The following TBX15 variants were observed in gnomAD, a reference collection of about 807,000 sequenced individuals.
The protein encoded by TBX15 is T-box transcription factor TBX15.
Under a neutral mutation model 53.9 loss-of-function variants are expected in TBX15, and 18 were observed. That is an observed-to-expected ratio of 0.33 (90% CI 0.23 to 0.49). TBX15 has a LOEUF of 0.49. TBX15 is among the 20% of genes least tolerant of loss of function. TBX15 has a pLI of 0.98. For synonymous variants in TBX15, 295 were observed against 278.0 expected (o/e 1.06, Z -0.61); for missense variants, 692 against 749.5 (o/e 0.92, Z 0.90).
intron 7 of TBX15, among the ~76,000 whole-genome samples, chr1:118,897,114 G>C (rs946917357): frequency 6.6e-6 from 1 of 152,154 alleles, no homozygotes; most frequent in African/African-American, 2.4e-5. Context: ...TAAATTTTTA[G>C]TATAAGTACC....
chr1:118,984,316 G>A (rs1194259188), intron 1 of TBX15, among the ~76,000 whole-genome samples: 1 of 152,220 alleles, frequency 6.6e-6, no homozygotes, highest in Non-Finnish European at 1.5e-5. Context: ...GGCCCGGCCC[G>A]AAGTTTCTGG....
intron 1 of TBX15, among the ~76,000 whole-genome samples, chr1:118,978,470 G>A (rs1657512160): frequency 6.6e-6 from 1 of 152,160 alleles, no homozygotes. Flanking sequence ...TCACAAATGA[G>A]GCACTGAGGC....
At chr1:118,948,875 T>C (rs1656425522) in intron 1 of TBX15, among the ~76,000 whole-genome samples, 1 of 152,228 alleles carries the variant, frequency 6.6e-6, no homozygotes. Flanking sequence ...TCTGCTAACT[T>C]GGTCCTTAGA....
In TBX15 at chr1:118,969,575, G is replaced by A. The variant is rs1657165414; in HGVS notation, c.205+18016C>T. Among the ~76,000 whole-genome samples, 3 of 152,130 alleles carry A rather than the reference G, an allele frequency of 2.0e-5. No homozygotes were observed. In the South Asian group the frequency reaches 6.2e-4, roughly 32 times the overall value. Reference sequence around the variant, plus strand: ...CATCTTGTACAACCCTTCCTGGGTTGAGTCCTGGGTCAGACTCCCTTTCTA... The same window carrying A: ...CATCTTGTACAACCCTTCCTGGGTTAAGTCCTGGGTCAGACTCCCTTTCTA... On this transcript the variant is annotated intron_variant, in intron 1 of 7. Transcript: ENST00000369429.
intron 7 of TBX15, among the ~76,000 whole-genome samples, chr1:118,888,570 T>C (rs544551208): frequency 6.6e-6 from 1 of 152,336 alleles, no homozygotes; most frequent in South Asian, 2.1e-4. Flanking sequence ...CCACTCCAAA[T>C]GCTATGAGCT....
At chr1:118,902,468 A>G (rs1654663928) in intron 6 of TBX15, among the ~76,000 whole-genome samples, 1 of 152,198 alleles carries the variant, frequency 6.6e-6, no homozygotes, top group African/African-American at 2.4e-5. Flanking sequence ...TGAATTAATA[A>G]GTAGAAGAAT....
chr1:118,923,751 G>T lies in TBX15; in HGVS notation c.694-148C>A, dbSNP rs1766793. 0.7 allele frequency: 609,149 copies of T among 874,944 alleles called. 214,205 individuals are homozygous for T. The highest frequency in any genetic ancestry group is 0.79 in the East Asian group (30,419 of 38,416). The allele number at this position is 874,944 out of a possible 1,614,324, so 54.2% of individuals were successfully genotyped here. A position where few individuals can be genotyped will look rare whatever the true frequency, so the allele number is the denominator to read the frequency against. ...CAGAAAACTAGAAATCAGTATACTTGCCCAGGAAGAACTAAGTGATTAAAT... is the reference window on the plus strand; with the variant it reads ...CAGAAAACTAGAAATCAGTATACTTTCCCAGGAAGAACTAAGTGATTAAAT... On this transcript the variant is annotated intron_variant, in intron 4 of 7. Coordinates refer to ENST00000369429, the MANE Select transcript of TBX15 (RefSeq NM_001330677.2).
intron 6 of TBX15, among the ~76,000 whole-genome samples, chr1:118,908,686 A>G (rs1049478953): frequency 6.6e-6 from 1 of 152,138 alleles, no homozygotes; most frequent in Non-Finnish European, 1.5e-5. Flanking sequence ...TTCACTCCAG[A>G]ATAAATGGCC....
intron 7 of TBX15, among the ~76,000 whole-genome samples, chr1:118,897,437 C>T (rs73007544): frequency 0.011 from 1,635 of 152,230 alleles, 38 homozygotes; most frequent in African/African-American, 0.037. Context: ...CAACCTTCTC[C>T]GACCAGCCTC....
rs374500071 is a variant in TBX15 at position 118,923,519 on chromosome 1, G to C, written c.778C>G (p.Pro260Ala). 23 of 1,613,898 alleles carry C rather than the reference G, an allele frequency of 1.4e-5. No individual in the cohort carries two copies. In the East Asian group the frequency reaches 2.0e-4, roughly 14 times the overall value. ...DFSSDLSPTK[P>A]VPVGDGVKTF... ...TTCACCCCATCCCCAACAGGAACAGGCTTAGTGGGTGAAAGGTCACTGCTG... is the reference window on the plus strand; with the variant it reads ...TTCACCCCATCCCCAACAGGAACAGCCTTAGTGGGTGAAAGGTCACTGCTG... The change falls in exon 5 of 8, where the codon CCT becomes GCT. Residue 260 changes from proline to alanine, a missense_variant. Physicochemically the swap from Pro to Ala is conservative, Grantham distance 27. Around this residue, in one of 3 missense-constraint regions of TBX15, gnomAD observed 307 missense variants for 347.5 expected, o/e 0.88. Coordinates refer to ENST00000369429, the MANE Select transcript of TBX15 (RefSeq NM_001330677.2).
chr1:118,948,104 G>A (rs1390735505), intron 1 of TBX15, among the ~76,000 whole-genome samples: 1 of 152,046 alleles, frequency 6.6e-6, no homozygotes, highest in Non-Finnish European at 1.5e-5. Context: ...CATCTCCCCA[G>A]TGGTGACTCA....
intron 1 of TBX15, among the ~76,000 whole-genome samples, chr1:118,934,350 G>A (rs1162005397): frequency 2.6e-5 from 4 of 152,022 alleles, no homozygotes; most frequent in African/African-American, 7.2e-5. Flanking sequence ...AAAAGACCGG[G>A]GGCTCAGATT....
chr1:118,950,348 T>G (rs1277964486), intron 1 of TBX15, among the ~76,000 whole-genome samples: 2 of 152,320 alleles, frequency 1.3e-5, no homozygotes, highest in Admixed American at 1.3e-4. Flanking sequence ...GGATTGAGGA[T>G]GCAGAATCCA....
chr1:118,961,467 C>A (rs984223), intron 1 of TBX15, among the ~76,000 whole-genome samples: 29,382 of 152,004 alleles, frequency 0.19, 3,399 homozygotes, highest in East Asian at 0.49. Context: ...GAGCATTACT[C>A]AAAGTGCATG....
rs79259969 is a variant in TBX15, at chr1:118,935,705, A to G, written c.206-3873T>C. Among the ~76,000 whole-genome samples, 1,231 of 152,292 alleles carry G rather than the reference A, an allele frequency of 8.1e-3. 20 individuals carry two copies. The highest frequency in any genetic ancestry group is 0.028 in the African/African-American group (1,147 of 41,558). On this transcript the variant is annotated intron_variant, in intron 1 of 7. Coordinates refer to ENST00000369429, the MANE Select transcript of TBX15 (RefSeq NM_001330677.2). ...TCATTTTACTTTCTATCTCTGACCT[A>G]TTTCACTTTGATAAAATGAATGCTG...
chr1:118,929,375 T>C (rs1241788786), intron 2 of TBX15, among the ~76,000 whole-genome samples: 3 of 152,036 alleles, frequency 2.0e-5, no homozygotes, highest in African/African-American at 4.8e-5. Context: ...CAATACTGCA[T>C]AGCAAGAAAA....
chr1:118,893,610 AG>A (rs1312588571), intron 7 of TBX15, among the ~76,000 whole-genome samples: 6 of 145,840 alleles, frequency 4.1e-5, no homozygotes, highest in African/African-American at 1.6e-4. Flanking sequence ...AAAGAAAGAA[AG>A]AAAGAGAGAG....
At chr1:118,899,251 A>G (rs1571156007) in intron 6 of TBX15, 126 bp from the exon 7 acceptor site, 2 of 883,932 alleles carry the variant, frequency 2.3e-6, no homozygotes, top group East Asian at 5.3e-5. Context: ...ACCACCATCA[A>G]GGTAAATTCG....
At chr1:118,953,795 C>T (rs551901502) in intron 1 of TBX15, among the ~76,000 whole-genome samples, 3 of 152,300 alleles carry the variant, frequency 2.0e-5, no homozygotes, top group South Asian at 2.1e-4. Flanking sequence ...CTTTTGCCCC[C>T]TACAAAGGTA....
Sources: gnomAD v4.1 joint callset for allele counts (sites outside exome capture counted in the v4.1 genomes callset) on GRCh38, gnomAD v4.1.1 for gene constraint, gnomAD v4.1.1 regional missense constraint, MANE v1.5 for transcripts, NCBI Gene and HGNC (gene_info 2026-07-23, HGNC 2026-07-21) for gene names.